PPP3CA: variants seen among roughly 807,000 people sequenced by gnomAD.
PPP3CA encodes the protein CAM-PRP catalytic subunit.
A neutral mutation model predicts 66.5 loss-of-function variants in PPP3CA; 14 were observed. The observed-to-expected ratio is 0.21, with a 90% CI of 0.14 to 0.33. PPP3CA has a LOEUF of 0.33. Ranked by LOEUF, PPP3CA falls within the 10% of genes least tolerant of loss-of-function variation. The pLI is 1.00. For synonymous variants in PPP3CA, 232 were observed against 226.2 expected (o/e 1.03, Z -0.23); for missense variants, 317 against 639.5 (o/e 0.50, Z 5.44).
intron 2 of PPP3CA, among the ~76,000 whole-genome samples, chr4:101,116,216 G>A (rs1176197500): frequency 6.6e-6 from 1 of 151,812 alleles, no homozygotes; most frequent in Non-Finnish European, 1.5e-5. Context: ...TAGAAAAGAC[G>A]TTACTGAATC....
intron 1 of PPP3CA, among the ~76,000 whole-genome samples, chr4:101,234,711 C>T (rs958110623): frequency 6.6e-6 from 1 of 151,624 alleles, no homozygotes; most frequent in Non-Finnish European, 1.5e-5. Flanking sequence ...GAGACTCCAA[C>T]CATTTTAACA....
intron 1 of PPP3CA, among the ~76,000 whole-genome samples, chr4:101,301,317 C>T (rs1728368794): frequency 2.0e-5 from 3 of 151,042 alleles, no homozygotes; most frequent in Non-Finnish European, 4.4e-5. Context: ...ATATTAGGCC[C>T]TCCCTACTCA....
In PPP3CA at chr4:101,229,739, T is replaced by A. The variant is rs189144109; in HGVS notation, c.59-33623A>T. On this transcript the variant is annotated intron_variant, in intron 1 of 13. Coordinates refer to ENST00000394854, the MANE Select transcript of PPP3CA (RefSeq NM_000944.5). Reference sequence around the variant, plus strand: ...CTGTTCCCTTCTGTACTGTACATATTCCCAGTTTCATCCACAATGGAGAGG... The same window carrying A: ...CTGTTCCCTTCTGTACTGTACATATACCCAGTTTCATCCACAATGGAGAGG... Among the ~76,000 whole-genome samples the A allele has an allele frequency of 8.6e-4, 131 of 151,714 alleles. 1 individual carries two copies. Among genetic ancestry groups the A allele is most frequent in the African/African-American group, 3.0e-3 (125 of 41,472 alleles).
chr4:101,224,361 T>G (rs756872082), intron 1 of PPP3CA, among the ~76,000 whole-genome samples: 3 of 151,844 alleles, frequency 2.0e-5, no homozygotes, highest in Non-Finnish European at 4.4e-5. Context: ...CTACTCCTCC[T>G]TTCCAATCCA....
Position 101,059,934 on chromosome 4 carries a change from T to C in PPP3CA, c.1156+1153A>G, listed in dbSNP as rs1039020070. 5.9e-5 allele frequency among the ~76,000 whole-genome samples: 9 copies of C among 152,202 alleles called. No individual in the cohort carries two copies. The South Asian group carries it at 1.5e-3, about 25-fold the overall frequency. On this transcript the variant is annotated intron_variant, in intron 10 of 13. Coordinates refer to ENST00000394854, the MANE Select transcript of PPP3CA (RefSeq NM_000944.5). ...AATACTGAACACAATGTCAATGCTA[T>C]GTAGATAGTTGTTAAACTGTATTAT...
At position 101,347,278 on chromosome 4, in the gene PPP3CA, AC is replaced by A; in HGVS notation, c.-483del. On this transcript the variant is annotated 5_prime_UTR_variant, in exon 1 of 14. Coordinates refer to ENST00000394854, the MANE Select transcript of PPP3CA (RefSeq NM_000944.5). ...AGGCAGGGCCGCCGATGTCAGTGCC[AC>A]CAGCCGCACCTTGGCGTCCCCGGCG... The A allele has an allele frequency of 4.9e-6, 1 of 205,046 alleles. No individual in the cohort carries two copies. Among genetic ancestry groups the A allele is most frequent in the Non-Finnish European group, 9.6e-6 (1 of 103,928 alleles). 12.7% of individuals were successfully genotyped at this position (205,046 alleles called of 1,614,324 possible).
rs1025223012 is a variant in PPP3CA, at chr4:101,293,489, A to G, written c.58+53250T>C. Among the ~76,000 whole-genome samples the G allele has an allele frequency of 3.3e-5, 5 of 152,346 alleles. No individual in the cohort carries two copies. The East Asian group carries it at 9.6e-4, about 29-fold the overall frequency. On this transcript the variant is annotated intron_variant, in intron 1 of 13. Coordinates refer to ENST00000394854, the MANE Select transcript of PPP3CA (RefSeq NM_000944.5). Reference sequence around the variant, plus strand: ...TTCTCTTTGATGTTTACCTATTCCAATAAGAGTGTGAAGGGTGGAGTGAAC... The same window carrying G: ...TTCTCTTTGATGTTTACCTATTCCAGTAAGAGTGTGAAGGGTGGAGTGAAC...
chr4:101,066,687 G>GA (rs201363798), intron 8 of PPP3CA, among the ~76,000 whole-genome samples: 361 of 150,534 alleles, frequency 2.4e-3, no homozygotes, highest in African/African-American at 7.1e-3. Context: ...AAATACATGA[G>GA]AAAAAAAAAC....
chr4:101,210,744 ATTTC>A (rs1280797995), intron 1 of PPP3CA, among the ~76,000 whole-genome samples: 4 of 152,158 alleles, frequency 2.6e-5, no homozygotes, highest in African/African-American at 9.7e-5. Flanking sequence ...GTTTGTGTTT[ATTTC>A]TTTGTCTTTA....
intron 8 of PPP3CA, among the ~76,000 whole-genome samples, chr4:101,079,234 C>A (rs576244161): frequency 6.6e-6 from 1 of 152,324 alleles, no homozygotes; most frequent in East Asian, 1.9e-4. Flanking sequence ...ACACCCATCA[C>A]ACCTCATTTA....
intron 1 of PPP3CA, among the ~76,000 whole-genome samples, chr4:101,258,381 C>A (rs1726910133): frequency 6.6e-6 from 1 of 152,052 alleles, no homozygotes; most frequent in Admixed American, 6.6e-5. Context: ...AAGAGAAGGG[C>A]TGGACAAGAG....
intron 10 of PPP3CA, among the ~76,000 whole-genome samples, chr4:101,050,291 G>A (rs569895491): frequency 2.6e-5 from 4 of 152,196 alleles, no homozygotes; most frequent in African/African-American, 9.6e-5. Flanking sequence ...GCTGTGAGGT[G>A]CTCTGGTCCT....
At chr4:101,212,654 C>T (rs1205542693) in intron 1 of PPP3CA, among the ~76,000 whole-genome samples, 1 of 151,884 alleles carries the variant, frequency 6.6e-6, no homozygotes, top group African/African-American at 2.4e-5. Context: ...AAAAAGACGG[C>T]CTAAAGGTGG....
At chr4:101,030,953 T>C (rs547309555) in intron 12 of PPP3CA, among the ~76,000 whole-genome samples, 2 of 130,978 alleles carry the variant, frequency 1.5e-5, no homozygotes, top group Non-Finnish European at 3.4e-5. Flanking sequence ...AGAAAAACTT[T>C]TGTGTGTGTT....
At chr4:101,197,648 A>G (rs1724842862) in intron 1 of PPP3CA, among the ~76,000 whole-genome samples, 1 of 152,224 alleles carries the variant, frequency 6.6e-6, no homozygotes, top group Admixed American at 6.5e-5. Flanking sequence ...TTTATAGAGT[A>G]TTTATTTTAT....
intron 1 of PPP3CA, among the ~76,000 whole-genome samples, chr4:101,325,662 C>T (rs1049428041): frequency 1.3e-5 from 2 of 152,080 alleles, no homozygotes; most frequent in South Asian, 4.1e-4. Flanking sequence ...CAAATGACGG[C>T]TAACCATATC....
intron 8 of PPP3CA, among the ~76,000 whole-genome samples, chr4:101,078,649 G>A (rs1442602643): frequency 6.6e-6 from 1 of 151,830 alleles, no homozygotes; most frequent in African/African-American, 2.4e-5. Flanking sequence ...ATAATTCTAG[G>A]GTCCTTTATG....
intron 6 of PPP3CA, among the ~76,000 whole-genome samples, chr4:101,089,671 A>T (rs940871750): frequency 6.6e-6 from 1 of 152,198 alleles, no homozygotes; most frequent in Non-Finnish European, 1.5e-5. Flanking sequence ...CATGAAATGA[A>T]AATTTGTCAT....
chr4:101,274,672 T>G (rs888197781), intron 1 of PPP3CA, among the ~76,000 whole-genome samples: 1 of 152,224 alleles, frequency 6.6e-6, no homozygotes, highest in African/African-American at 2.4e-5. Context: ...ATGGATTACA[T>G]ATTTTTTTCA....
Sources: allele counts gnomAD v4.1 joint callset (sites outside exome capture counted in the v4.1 genomes callset), GRCh38; gene constraint gnomAD v4.1.1; transcripts MANE v1.5; gene names NCBI Gene and HGNC (gene_info 2026-07-23, HGNC 2026-07-21).